The following CDH18 variants were observed in gnomAD, a reference collection of about 807,000 sequenced individuals.
CDH18 encodes the protein cadherin-18.
A neutral mutation model predicts 67.9 loss-of-function variants in CDH18; 31 were observed. The observed-to-expected ratio is 0.46, with a 90% CI of 0.34 to 0.62. CDH18 has a LOEUF of 0.62. Ranked by LOEUF, CDH18 falls within the 20% of genes least tolerant of loss-of-function variation. The pLI is 0.01. For missense variants in CDH18, 890 were observed against 975.5 expected (o/e 0.91, Z 1.17); for synonymous variants, 362 against 347.2 (o/e 1.04, Z -0.48).
At chr5:19,587,757 T>C (rs1744419356) in intron 7 of CDH18, among the ~76,000 whole-genome samples, 1 of 152,064 alleles carries the variant, frequency 6.6e-6, no homozygotes. Flanking sequence ...TTGCTTAGGA[T>C]TGCCTTGGCT....
At chr5:20,423,013 A>AT (rs1323353034) in intron 1 of CDH18, among the ~76,000 whole-genome samples, 9 of 151,224 alleles carry the variant, frequency 6.0e-5, no homozygotes, top group Non-Finnish European at 1.2e-4. Context: ...GGAGAGAAAG[A>AT]TTTTTTTCTC....
chr5:20,118,361 T>C (rs1748089206), intron 2 of CDH18, among the ~76,000 whole-genome samples: 1 of 152,168 alleles, frequency 6.6e-6, no homozygotes, highest in Non-Finnish European at 1.5e-5. Context: ...TTTACTAGTA[T>C]TGCAAATTGT....
chr5:19,814,318 A>G (rs1043782814), intron 3 of CDH18, among the ~76,000 whole-genome samples: 1 of 152,044 alleles, frequency 6.6e-6, no homozygotes. Flanking sequence ...AGATAATACT[A>G]TTGGTTTTGG....
chr5:20,480,431 G>A (rs557713414), intron 1 of CDH18, among the ~76,000 whole-genome samples: 16 of 151,886 alleles, frequency 1.1e-4, no homozygotes, highest in African/African-American at 3.9e-4. Context: ...TTTTGTTTTT[G>A]TTTTTTGAGA....
chr5:19,670,646 C>G (rs1451039606), intron 5 of CDH18, among the ~76,000 whole-genome samples: 1 of 152,072 alleles, frequency 6.6e-6, no homozygotes, highest in Non-Finnish European at 1.5e-5. Flanking sequence ...TTTTTAAAAG[C>G]TTCCAGAGAT....
chr5:19,521,767 A>T (rs999402001), intron 9 of CDH18, among the ~76,000 whole-genome samples: 1 of 152,068 alleles, frequency 6.6e-6, no homozygotes, highest in Non-Finnish European at 1.5e-5. Flanking sequence ...GAGAAAATAA[A>T]TTTTTCAGTA....
intron 1 of CDH18, among the ~76,000 whole-genome samples, chr5:20,425,855 T>C (rs1011732811): frequency 1.9e-4 from 28 of 151,246 alleles, no homozygotes; most frequent in African/African-American, 2.7e-4. Flanking sequence ...ATTTCTATCA[T>C]TTTTATTGTT....
chr5:19,496,170 G>C (rs950315807), intron 11 of CDH18, among the ~76,000 whole-genome samples: 1 of 152,146 alleles, frequency 6.6e-6, no homozygotes, highest in Non-Finnish European at 1.5e-5. Context: ...GCACAAGGAG[G>C]CTCTCAGTCT....
At chr5:19,994,773 A>G (rs1291247109) in intron 2 of CDH18, among the ~76,000 whole-genome samples, 3 of 106,382 alleles carry the variant, frequency 2.8e-5, no homozygotes, top group South Asian at 3.3e-4. Context: ...AGAGAGAGAG[A>G]GAGAGAGAGA....
At chr5:19,885,235 T>C (rs1421835296) in intron 2 of CDH18, among the ~76,000 whole-genome samples, 1 of 152,178 alleles carries the variant, frequency 6.6e-6, no homozygotes, top group African/African-American at 2.4e-5. Flanking sequence ...TCTAAAACCT[T>C]CATCTTAACT....
At chr5:19,964,880 T>C (rs1166624075) in intron 2 of CDH18, among the ~76,000 whole-genome samples, 1 of 152,128 alleles carries the variant, frequency 6.6e-6, no homozygotes, top group East Asian at 1.9e-4. Flanking sequence ...ATAATTTAGA[T>C]GAATAAATTT....
At chr5:20,142,902 T>G (rs1750358627) in intron 2 of CDH18, among the ~76,000 whole-genome samples, 1 of 152,204 alleles carries the variant, frequency 6.6e-6, no homozygotes, top group Admixed American at 6.5e-5. Flanking sequence ...TGTAGGAGTT[T>G]GTTAACACAA....
At chr5:20,469,633 A>AT (rs1432308814) in intron 1 of CDH18, among the ~76,000 whole-genome samples, 3 of 151,764 alleles carry the variant, frequency 2.0e-5, no homozygotes, top group Non-Finnish European at 4.4e-5. Context: ...GTTTTATTTT[A>AT]TTTTTTCTAT....
At chr5:19,735,113 T>C (rs1768131722) in intron 4 of CDH18, among the ~76,000 whole-genome samples, 1 of 152,126 alleles carries the variant, frequency 6.6e-6, no homozygotes, top group South Asian at 2.1e-4. Context: ...CAGTAGAATA[T>C]TATTGGCTCA....
chr5:20,511,004 T>C (rs988790241), intron 1 of CDH18, among the ~76,000 whole-genome samples: 2 of 152,164 alleles, frequency 1.3e-5, no homozygotes, highest in South Asian at 2.1e-4. Flanking sequence ...AAGAAACCAA[T>C]TGATCCTCAC....
rs189621044 is a variant in CDH18 at position 20,104,346 on chromosome 5, G to A, written c.-517-112332C>T. Among the ~76,000 whole-genome samples, 494 of 152,200 alleles carry A rather than the reference G, an allele frequency of 3.2e-3. 2 individuals carry two copies. The highest frequency in any genetic ancestry group is 5.3e-3 in the Admixed American group (81 of 15,280). On this transcript the variant is annotated intron_variant, in intron 2 of 14. Coordinates refer to the CDH18 transcript ENST00000507958. Reference sequence around the variant, plus strand: ...GTATGGGATAGAGAAATGTAATAGAGTCAGAAAACATGAGTCTGAATCCCT... The same window carrying A: ...GTATGGGATAGAGAAATGTAATAGAATCAGAAAACATGAGTCTGAATCCCT...
chr5:20,371,697 A>G (rs919585416), intron 1 of CDH18, among the ~76,000 whole-genome samples: 1 of 152,216 alleles, frequency 6.6e-6, no homozygotes, highest in African/African-American at 2.4e-5. Context: ...AAGCAGGTTC[A>G]GTAGAGCGGG....
chr5:19,991,422 A>C (rs1313964447), upstream of CDH18, among the ~76,000 whole-genome samples: 7 of 152,174 alleles, frequency 4.6e-5, no homozygotes, highest in African/African-American at 1.7e-4. Context: ...ATAACTAATT[A>C]ACATATCTAT....
At chr5:19,867,876 G>C (rs1785749250) in intron 2 of CDH18, among the ~76,000 whole-genome samples, 1 of 152,102 alleles carries the variant, frequency 6.6e-6, no homozygotes, top group African/African-American at 2.4e-5. Context: ...TTGTGGGAGG[G>C]ACCCTGTGGG....
Sources: gnomAD v4.1 joint callset for allele counts (sites outside exome capture counted in the v4.1 genomes callset) on GRCh38, gnomAD v4.1.1 for gene constraint, MANE v1.5 for transcripts, NCBI Gene and HGNC (gene_info 2026-07-23, HGNC 2026-07-21) for gene names.